The following SAMD12 variants were observed in gnomAD, a reference collection of about 807,000 sequenced individuals.
SAMD12 encodes sterile alpha motif domain containing 12.
In SAMD12, 9 loss-of-function variants were observed where a neutral mutation model predicts 15.0. The ratio of observed to expected loss-of-function variants is 0.60; its 90% confidence interval spans 0.36 to 1.05. The LOEUF is 1.05. Among genes scored for constraint, SAMD12 ranks in the 50% least tolerant of loss-of-function variants. SAMD12 has a pLI of 0.01. For synonymous variants in SAMD12, 86 were observed against 90.1 expected (o/e 0.96, Z 0.25); for missense variants, 230 against 234.2 (o/e 0.98, Z 0.12).
chr8:118,348,661 C>T lies in SAMD12; in HGVS notation c.433+30899G>A, dbSNP rs189889561. 2.2e-3 allele frequency among the ~76,000 whole-genome samples: 340 copies of T among 152,242 alleles called. 2 individuals carry two copies. Among genetic ancestry groups the T allele is most frequent in the Non-Finnish European group, 1.6e-3 (108 of 68,012 alleles). ...TGCTGGGATTACAGGCGTGAGCCAC[C>T]GCACCCGGCCCGCTTATTACTTTTT... On this transcript the variant is annotated intron_variant, in intron 4 of 4. Transcript: ENST00000409003.
chr8:118,483,323 T>C (rs890457502), intron 2 of SAMD12, among the ~76,000 whole-genome samples: 3 of 152,214 alleles, frequency 2.0e-5, no homozygotes, highest in African/African-American at 7.2e-5. Flanking sequence ...ACATGTACTT[T>C]TTATGGAGAA....
intron 2 of SAMD12, among the ~76,000 whole-genome samples, chr8:118,564,128 G>A (rs1826782928): frequency 6.6e-6 from 1 of 152,022 alleles, no homozygotes; most frequent in Admixed American, 6.6e-5. Flanking sequence ...GCATAGAGGA[G>A]GTAAAAATAG....
rs73708494 is a variant in SAMD12 at position 118,440,513 on chromosome 8, A to G, written c.193-552T>C. 8.7e-3 allele frequency among the ~76,000 whole-genome samples: 1,318 copies of G among 152,250 alleles called. 13 individuals are homozygous for G. The highest frequency in any genetic ancestry group is 0.027 in the Middle Eastern group (8 of 294). On this transcript the variant is annotated intron_variant, in intron 2 of 3. Transcript: ENST00000314727. Reference sequence around the variant, plus strand: ...AATGTCCAGGACCATTAGTTATACCAAAGTGGGGAAGCAAAAAGTCAATTC... The same window carrying G: ...AATGTCCAGGACCATTAGTTATACCGAAGTGGGGAAGCAAAAAGTCAATTC...
At chr8:118,164,147 C>A in the SAMD12 span, among the ~76,000 whole-genome samples, 1 of 152,112 alleles carries the variant, frequency 6.6e-6, no homozygotes, top group African/African-American at 2.4e-5. Flanking sequence ...GGAAGCAGAA[C>A]TCCTTCTTGA....
At chr8:118,148,766 C>T in the SAMD12 span, among the ~76,000 whole-genome samples, 1 of 152,198 alleles carries the variant, frequency 6.6e-6, no homozygotes, top group African/African-American at 2.4e-5. Flanking sequence ...ACATTCCATA[C>T]AGCGCAATCA....
intron 4 of SAMD12, among the ~76,000 whole-genome samples, chr8:118,323,834 A>C (rs1816430989): frequency 6.6e-6 from 1 of 152,166 alleles, no homozygotes; most frequent in South Asian, 2.1e-4. Flanking sequence ...TCTCAAAAAA[A>C]AATCTGTACA....
the SAMD12 span, among the ~76,000 whole-genome samples, chr8:118,148,812 C>G: frequency 2.6e-5 from 4 of 152,184 alleles, no homozygotes; most frequent in Admixed American, 2.0e-4. Flanking sequence ...TCTTGTTTCA[C>G]TTAGCATAAT....
intron 3 of SAMD12, among the ~76,000 whole-genome samples, chr8:118,412,200 T>A (rs975604487): frequency 6.6e-6 from 1 of 152,090 alleles, no homozygotes. Context: ...CAGACCTGTG[T>A]CTTTTGTGGT....
chr8:118,516,139 C>T (rs1022616763), intron 2 of SAMD12, among the ~76,000 whole-genome samples: 3 of 152,228 alleles, frequency 2.0e-5, no homozygotes, highest in African/African-American at 7.2e-5. Flanking sequence ...TGCATAGCAA[C>T]TCACATCTCC....
At chr8:118,591,306 T>G (rs1827580456) in intron 1 of SAMD12, among the ~76,000 whole-genome samples, 1 of 152,220 alleles carries the variant, frequency 6.6e-6, no homozygotes, top group Non-Finnish European at 1.5e-5. Flanking sequence ...ACACATTAGT[T>G]GAAATCCAAG....
chr8:118,538,651 GCAATT>G (rs1275834181), intron 2 of SAMD12, among the ~76,000 whole-genome samples: 2 of 152,148 alleles, frequency 1.3e-5, no homozygotes, highest in African/African-American at 4.8e-5. Flanking sequence ...AGTGGTGTAG[GCAATT>G]CAAGACTGTC....
At chr8:118,434,668 G>T (rs915833901) in intron 3 of SAMD12, among the ~76,000 whole-genome samples, 4 of 152,184 alleles carry the variant, frequency 2.6e-5, no homozygotes, top group Non-Finnish European at 5.9e-5. Flanking sequence ...AGCATTCCAG[G>T]CCAGGCCTCA....
intron 2 of SAMD12, among the ~76,000 whole-genome samples, chr8:118,490,444 T>C (rs1409697938): frequency 6.6e-6 from 1 of 152,150 alleles, no homozygotes; most frequent in Non-Finnish European, 1.5e-5. Context: ...GAATGCAAAA[T>C]ATGGAAATGT....
chr8:118,582,904 CTT>C (rs375621211), intron 1 of SAMD12, among the ~76,000 whole-genome samples: 1 of 146,182 alleles, frequency 6.8e-6, no homozygotes. Context: ...AAGCACTGTG[CTT>C]TTTTTTTTTT....
At chr8:118,534,576 A>G (rs1267462106) in intron 2 of SAMD12, among the ~76,000 whole-genome samples, 1 of 152,206 alleles carries the variant, frequency 6.6e-6, no homozygotes, top group African/African-American at 2.4e-5. Flanking sequence ...ACTTTCAGGT[A>G]CACCAATCAG....
chr8:118,452,069 A>G (rs1220205398), intron 2 of SAMD12, among the ~76,000 whole-genome samples: 1 of 152,188 alleles, frequency 6.6e-6, no homozygotes, highest in African/African-American at 2.4e-5. Flanking sequence ...AAGAGACCTC[A>G]GAGAGCTCGC....
At chr8:118,517,950 T>C (rs1408620074) in intron 2 of SAMD12, among the ~76,000 whole-genome samples, 2 of 152,170 alleles carry the variant, frequency 1.3e-5, no homozygotes, top group Non-Finnish European at 2.9e-5. Context: ...CAGGTTCTAT[T>C]TTTCTCTTTC....
At chr8:118,227,742 T>C (rs1210471614) in intron 4 of SAMD12, among the ~76,000 whole-genome samples, 2 of 152,178 alleles carry the variant, frequency 1.3e-5, no homozygotes. Context: ...ATTCCCCAAA[T>C]GTACCTCACC....
chr8:118,312,576 C>T (rs1815684435), intron 4 of SAMD12, among the ~76,000 whole-genome samples: 1 of 152,090 alleles, frequency 6.6e-6, no homozygotes, highest in African/African-American at 2.4e-5. Context: ...GTCTTTTCTC[C>T]TCCTCATTTA....
Sources: gnomAD v4.1 joint callset for allele counts (sites outside exome capture counted in the v4.1 genomes callset) on GRCh38, gnomAD v4.1.1 for gene constraint, MANE v1.5 for transcripts, NCBI Gene and HGNC (gene_info 2026-07-23, HGNC 2026-07-21) for gene names.